Variants in PTPRM observed in about 807,000 individuals in gnomAD.
PTPRM encodes the protein protein tyrosine phosphatase receptor type M.
A neutral mutation model predicts 186.7 loss-of-function variants in PTPRM; 47 were observed. The observed-to-expected ratio is 0.25, with a 90% CI of 0.20 to 0.32. The LOEUF is 0.32. Among genes scored for constraint, PTPRM ranks in the 10% least tolerant of loss-of-function variants. PTPRM has a pLI of 1.00. For missense variants in PTPRM, 1,494 were observed against 1,865.0 expected, an observed-to-expected ratio of 0.80 and a Z score of 3.66; for synonymous variants, 668 against 674.9, an observed-to-expected ratio of 0.99 and a Z score of 0.16.
chr18:7,951,315 A>T (rs1568063955), intron 6 of PTPRM, among the ~76,000 whole-genome samples: 1 of 151,958 alleles, frequency 6.6e-6, no homozygotes, highest in East Asian at 1.9e-4. Context: ...TTTAATTTTC[A>T]TCTTGGTTCA....
intron 1 of PTPRM, among the ~76,000 whole-genome samples, chr18:7,586,957 T>G (rs2036994681): frequency 6.6e-6 from 1 of 152,234 alleles, no homozygotes; most frequent in African/African-American, 2.4e-5. Context: ...TCTTTAATTT[T>G]TCTCCTTAAA....
intron 1 of PTPRM, among the ~76,000 whole-genome samples, chr18:7,705,769 A>G (rs906667374): frequency 6.6e-6 from 1 of 150,582 alleles, no homozygotes; most frequent in African/African-American, 2.4e-5. Flanking sequence ...ATGTTTCTCA[A>G]TCTGGCCTCA....
intron 19 of PTPRM, among the ~76,000 whole-genome samples, chr18:8,263,682 T>A (rs1171898620): frequency 2.0e-5 from 3 of 152,014 alleles, no homozygotes; most frequent in African/African-American, 7.3e-5. Flanking sequence ...CACACCAACC[T>A]CCAGCGAAGA....
chr18:8,256,002 C>T (rs1052538819), intron 19 of PTPRM, among the ~76,000 whole-genome samples: 5 of 152,298 alleles, frequency 3.3e-5, no homozygotes, highest in African/African-American at 1.2e-4. Flanking sequence ...CTCATATGTC[C>T]CACTTTCTCT....
At chr18:8,184,004 C>G (rs139066958) in intron 14 of PTPRM, among the ~76,000 whole-genome samples, 1 of 152,280 alleles carries the variant, frequency 6.6e-6, no homozygotes, top group African/African-American at 2.4e-5. Flanking sequence ...GCTGATCTCC[C>G]AAGATACTGG....
At chr18:7,684,575 T>G (rs1320754398) in intron 1 of PTPRM, among the ~76,000 whole-genome samples, 1 of 152,216 alleles carries the variant, frequency 6.6e-6, no homozygotes, top group African/African-American at 2.4e-5. Flanking sequence ...TTTAGATGCT[T>G]TGTATAAATA....
In PTPRM at chr18:8,240,780, GAGAGAGAGAGAGAGAGAGA is replaced by G. The variant is rs2094421042; in HGVS notation, c.2301-3277_2301-3259del. 5.1e-4 allele frequency among the ~76,000 whole-genome samples: 13 copies of G among 25,596 alleles called. No individual in the cohort carries two copies. In the South Asian group the frequency reaches 7.5e-3, roughly 15 times the overall value. 16.8% of individuals were successfully genotyped at this position (25,596 alleles called of 152,430 possible). ...AGGGAGGGAGGGAGAGAGAGAGGGA[GAGAGAGAGAGAGAGAGAGA>G]GAGAGAGAGAGAGAGAGAGAGAGAG... On this transcript the variant is annotated intron_variant, in intron 14 of 32. Coordinates refer to ENST00000580170, the MANE Select transcript of PTPRM (RefSeq NM_001105244.2).
At chr18:7,903,046 A>G (rs922711251) in intron 3 of PTPRM, among the ~76,000 whole-genome samples, 1 of 152,216 alleles carries the variant, frequency 6.6e-6, no homozygotes, top group East Asian at 1.9e-4. Context: ...AGCTTCAGAC[A>G]TTGTAGTTGA....
At position 8,109,795 on chromosome 18, in the gene PTPRM, C is replaced by T. The variant is rs151160258; in HGVS notation, c.1857-3691C>T. ...TGTACACACTCACCCATCACACCTA[C>T]GAGCCAGGTTAGGAGAGAGGAATGG... is the stretch of plus-strand genomic sequence containing the variant. On this transcript the variant is annotated intron_variant, in intron 11 of 32. Transcript: ENST00000580170. 1.5e-3 allele frequency among the ~76,000 whole-genome samples: 224 copies of T among 152,192 alleles called. 1 individual carries two copies. Among genetic ancestry groups the T allele is most frequent in the Non-Finnish European group, 2.3e-3 (155 of 68,002 alleles).
chr18:7,577,896 G>A (rs924212084), intron 1 of PTPRM, among the ~76,000 whole-genome samples: 1 of 152,160 alleles, frequency 6.6e-6, no homozygotes, highest in African/African-American at 2.4e-5. Context: ...AGGGGCCCCT[G>A]TGAGACAGCT....
At chr18:8,075,206 C>CT (rs2148476319) in intron 8 of PTPRM, among the ~76,000 whole-genome samples, 1 of 152,180 alleles carries the variant, frequency 6.6e-6, no homozygotes, top group Admixed American at 6.5e-5. Flanking sequence ...TGTACTGCAA[C>CT]TGTAAGGGTT....
intron 1 of PTPRM, among the ~76,000 whole-genome samples, chr18:7,715,658 G>T (rs1598424427): frequency 6.6e-6 from 1 of 152,186 alleles, no homozygotes; most frequent in South Asian, 2.1e-4. Context: ...CTTCAGCAAA[G>T]TCTCAGGATA....
chr18:7,756,096 C>T (rs769211019), intron 1 of PTPRM, among the ~76,000 whole-genome samples: 12 of 152,134 alleles, frequency 7.9e-5, no homozygotes, highest in Admixed American at 1.3e-4. Flanking sequence ...CTCTCTAGTA[C>T]AGCAATTCCG....
chr18:7,686,607 A>T (rs901353411), intron 1 of PTPRM, among the ~76,000 whole-genome samples: 1 of 152,100 alleles, frequency 6.6e-6, no homozygotes, highest in African/African-American at 2.4e-5. Context: ...AGAGGAGCCA[A>T]AAATCATTGT....
chr18:7,761,182 T>G (rs1358178044), intron 1 of PTPRM, among the ~76,000 whole-genome samples: 11 of 152,200 alleles, frequency 7.2e-5, no homozygotes. Context: ...TTTTTTGTGC[T>G]AAGTATTGCT....
chr18:7,757,869 T>TGGGGATGCA (rs2041580190), intron 1 of PTPRM, among the ~76,000 whole-genome samples: 1 of 151,536 alleles, frequency 6.6e-6, no homozygotes, highest in South Asian at 2.1e-4. Flanking sequence ...GAAGAGTGGG[T>TGGGGATGCA]GGGGATGCAG....
At chr18:8,185,904 C>T (rs965410373) in intron 14 of PTPRM, among the ~76,000 whole-genome samples, 2 of 152,168 alleles carry the variant, frequency 1.3e-5, no homozygotes, top group African/African-American at 4.8e-5. Context: ...CCCCTTACCT[C>T]CTCCATACAC....
At chr18:7,695,095 C>G (rs587215) in intron 1 of PTPRM, among the ~76,000 whole-genome samples, 96,986 of 151,996 alleles carry the variant, frequency 0.64, 32,871 homozygotes, top group East Asian at 0.99. Flanking sequence ...ACTGCTCAGT[C>G]GCAAAGTCAG....
intron 6 of PTPRM, among the ~76,000 whole-genome samples, chr18:7,952,594 G>T (rs1488086446): frequency 6.6e-6 from 1 of 151,966 alleles, no homozygotes; most frequent in African/African-American, 2.4e-5. Context: ...TACTCGGAAG[G>T]CTGAGGCAGG....
Sources: gnomAD v4.1 joint callset for allele counts (sites outside exome capture counted in the v4.1 genomes callset) on GRCh38, gnomAD v4.1.1 for gene constraint, MANE v1.5 for transcripts, NCBI Gene and HGNC (gene_info 2026-07-23, HGNC 2026-07-21) for gene names.